PCDH9: variants seen among roughly 807,000 people sequenced by gnomAD.
The protein encoded by PCDH9 is protocadherin-9.
PCDH9 carries 24 observed loss-of-function variants against 70.6 expected under a neutral mutation model. The ratio of observed to expected loss-of-function variants is 0.34; its 90% CI spans 0.25 to 0.48. The LOEUF (loss-of-function observed/expected upper bound fraction) is 0.48, where lower values mean the gene tolerates loss of function less well. Among genes scored for constraint, PCDH9 ranks in the 20% least tolerant of loss-of-function variants. PCDH9 has a pLI of 0.99. For synonymous variants in PCDH9, 562 were observed against 558.5 expected, an observed-to-expected ratio of 1.01 and a Z score of -0.09; for missense variants, 1,281 against 1,503.6, an observed-to-expected ratio of 0.85 and a Z score of 2.45.
At chr13:66,935,074 A>T (rs750301282) in intron 2 of PCDH9, among the ~76,000 whole-genome samples, 15 of 150,532 alleles carry the variant, frequency 1.0e-4, no homozygotes, top group Non-Finnish European at 1.5e-4. Context: ...AATTATTAAT[A>T]TTTTTTGGAG....
chr13:66,946,987 A>T (rs868499462), intron 2 of PCDH9, among the ~76,000 whole-genome samples: 21 of 152,298 alleles, frequency 1.4e-4, no homozygotes, highest in African/African-American at 4.8e-4. Flanking sequence ...CTTACTTTAG[A>T]AGTCCCATTT....
chr13:67,079,608 A>G lies in PCDH9; in HGVS notation c.3036+145797T>C, dbSNP rs373149884. 3.9e-5 allele frequency among the ~76,000 whole-genome samples: 6 copies of G among 152,318 alleles called. No individual in the cohort carries two copies. In the East Asian group the frequency reaches 1.2e-3, roughly 29 times the overall value. On this transcript the variant is annotated intron_variant, in intron 2 of 4. Coordinates refer to ENST00000377865, the MANE Select transcript of PCDH9 (RefSeq NM_203487.3). ...TTTAACATATTTTGAAATGGCTGCC[A>G]TGGGATCATCGGACTAAAATTACCC...
chr13:66,628,748 T>C (rs1376082338), intron 4 of PCDH9, among the ~76,000 whole-genome samples: 2 of 152,242 alleles, frequency 1.3e-5, no homozygotes, highest in Non-Finnish European at 2.9e-5. Context: ...GCATTATTTC[T>C]TATAAGAGTC....
chr13:66,591,462 T>TA (rs5804284), intron 4 of PCDH9, among the ~76,000 whole-genome samples: 13 of 144,690 alleles, frequency 9.0e-5, no homozygotes, highest in African/African-American at 1.8e-4. Flanking sequence ...GGTAACTATC[T>TA]AAAAAAAAAA....
At chr13:67,099,867 T>C (rs2086396069) in intron 2 of PCDH9, among the ~76,000 whole-genome samples, 2 of 152,216 alleles carry the variant, frequency 1.3e-5, no homozygotes, top group African/African-American at 4.8e-5. Flanking sequence ...GACACATTGT[T>C]CTATTGCCTG....
At chr13:67,162,877 A>T (rs560566284) in intron 2 of PCDH9, among the ~76,000 whole-genome samples, 1 of 152,212 alleles carries the variant, frequency 6.6e-6, no homozygotes, top group Admixed American at 6.5e-5. Flanking sequence ...CAGAAAATAT[A>T]TCTTAAGTAT....
chr13:67,139,430 T>A (rs2087316661), intron 2 of PCDH9, among the ~76,000 whole-genome samples: 1 of 152,162 alleles, frequency 6.6e-6, no homozygotes, highest in African/African-American at 2.4e-5. Flanking sequence ...CCAATGAAAC[T>A]AACAGAGTGA....
rs74095351 is a variant in PCDH9 at position 67,152,989 on chromosome 13, C to T, written c.3036+72416G>A. Among the ~76,000 whole-genome samples, 1,247 of 148,416 alleles carry T rather than the reference C, an allele frequency of 8.4e-3. 22 individuals are homozygous for T. Among genetic ancestry groups the T allele is most frequent in the African/African-American group, 0.029 (1,179 of 41,340 alleles). On this transcript the variant is annotated intron_variant, in intron 2 of 4. Transcript: ENST00000377865. Reference sequence around the variant, plus strand: ...CCCCAGTGAAGAATTCCAGACACTTCTCCAACTAGCCCTCATCACTCCCAC... The same window carrying T: ...CCCCAGTGAAGAATTCCAGACACTTTTCCAACTAGCCCTCATCACTCCCAC...
chr13:66,624,918 G>A (rs958303364), intron 4 of PCDH9, among the ~76,000 whole-genome samples: 4 of 151,222 alleles, frequency 2.6e-5, no homozygotes. Context: ...CTGCCACTAT[G>A]TACTTAACCT....
chr13:66,427,436 C>T (rs1957690218), intron 4 of PCDH9, among the ~76,000 whole-genome samples: 1 of 151,476 alleles, frequency 6.6e-6, no homozygotes, highest in South Asian at 2.1e-4. Flanking sequence ...TCCATTTAAC[C>T]ACATGTCATG....
intron 2 of PCDH9, among the ~76,000 whole-genome samples, chr13:67,064,963 A>T (rs1390169109): frequency 6.6e-6 from 1 of 152,134 alleles, no homozygotes; most frequent in Non-Finnish European, 1.5e-5. Flanking sequence ...AGATAGACAG[A>T]TATTTATACA....
chr13:66,856,579 C>T (rs979770686), intron 3 of PCDH9, among the ~76,000 whole-genome samples: 3 of 152,026 alleles, frequency 2.0e-5, no homozygotes, highest in Non-Finnish European at 4.4e-5. Flanking sequence ...CATTATCCTT[C>T]CTCTGAAAAA....
intron 2 of PCDH9, among the ~76,000 whole-genome samples, chr13:66,914,231 T>C (rs1250457212): frequency 1.3e-5 from 2 of 151,882 alleles, no homozygotes; most frequent in African/African-American, 4.8e-5. Context: ...TTCTTATAGG[T>C]CTGGGTAAAG....
chr13:66,418,062 T>C (rs373783284), intron 4 of PCDH9, among the ~76,000 whole-genome samples: 118 of 152,320 alleles, frequency 7.7e-4, no homozygotes, highest in Admixed American at 1.2e-3. Flanking sequence ...TTTGGTGTTT[T>C]AGTCATGAAG....
chr13:67,068,299 GT>G (rs544764364), intron 2 of PCDH9, among the ~76,000 whole-genome samples: 24 of 151,606 alleles, frequency 1.6e-4, no homozygotes, highest in African/African-American at 4.3e-4. Context: ...ATTATGAAAA[GT>G]TTTTTTATTA....
chr13:66,777,875 A>G (rs1411420753), intron 3 of PCDH9, among the ~76,000 whole-genome samples: 4 of 152,130 alleles, frequency 2.6e-5, no homozygotes, highest in African/African-American at 9.7e-5. Flanking sequence ...AAGACTTGGA[A>G]ACAACCCAAA....
intron 2 of PCDH9, among the ~76,000 whole-genome samples, chr13:67,152,921 C>T (rs9541019): frequency 0.16 from 23,986 of 151,992 alleles, 2,231 homozygotes; most frequent in Non-Finnish European, 0.2. Flanking sequence ...TGTTTTCTTT[C>T]TAAAACGCAT....
At chr13:66,690,802 T>A (rs2078472543) in intron 3 of PCDH9, among the ~76,000 whole-genome samples, 2 of 152,128 alleles carry the variant, frequency 1.3e-5, no homozygotes, top group Admixed American at 6.5e-5. Context: ...GTGAAATATA[T>A]ATTAGTCTCT....
intron 2 of PCDH9, among the ~76,000 whole-genome samples, chr13:67,157,754 C>T (rs760468120): frequency 6.6e-6 from 1 of 152,084 alleles, no homozygotes. Flanking sequence ...TATATTTTTC[C>T]TGTGATCAGA....
Sources: gnomAD v4.1 joint callset for allele counts (sites outside exome capture counted in the v4.1 genomes callset) on GRCh38, gnomAD v4.1.1 for gene constraint, MANE v1.5 for transcripts, NCBI Gene and HGNC (gene_info 2026-07-23, HGNC 2026-07-21) for gene names.